The following PPM1E variants were observed in gnomAD, a reference collection of about 807,000 sequenced individuals.
PPM1E encodes protein phosphatase, Mg2+/Mn2+ dependent 1E.
In PPM1E, 20 loss-of-function variants were observed where a neutral mutation model predicts 65.9. The observed-to-expected ratio is 0.30, with a 90% CI of 0.21 to 0.44. The LOEUF (loss-of-function observed/expected upper bound fraction) is 0.44, where lower values mean the gene tolerates loss of function less well. Among genes scored for constraint, PPM1E ranks in the 20% least tolerant of loss-of-function variants. The pLI is 1.00. For missense variants in PPM1E, 713 were observed against 953.1 expected (o/e 0.75, Z 3.32); for synonymous variants, 352 against 374.9 (o/e 0.94, Z 0.70).
intron 1 of PPM1E, among the ~76,000 whole-genome samples, chr17:58,759,601 G>A (rs538728879): frequency 1.3e-5 from 2 of 152,184 alleles, no homozygotes; most frequent in Admixed American, 1.3e-4. Flanking sequence ...ACTATTAAAC[G>A]AAGATAAAGT....
intron 1 of PPM1E, among the ~76,000 whole-genome samples, chr17:58,784,127 A>G (rs879718174): frequency 5.3e-5 from 8 of 151,296 alleles, no homozygotes; most frequent in Non-Finnish European, 1.0e-4. Flanking sequence ...GGTTGAAGCA[A>G]TTCTCCCACC....
chr17:58,853,607 C>T (rs1408745552), intron 1 of PPM1E, among the ~76,000 whole-genome samples: 1 of 152,080 alleles, frequency 6.6e-6, no homozygotes, highest in Non-Finnish European at 1.5e-5. Context: ...ATGGGTGGAT[C>T]ACCTGAGGTC....
intron 1 of PPM1E, among the ~76,000 whole-genome samples, chr17:58,861,939 A>G (rs998924445): frequency 1.3e-5 from 2 of 151,814 alleles, no homozygotes; most frequent in East Asian, 1.9e-4. Context: ...AAAAAAATAC[A>G]TAAATAAATA....
chr17:58,854,656 A>G (rs1179048768), intron 1 of PPM1E, among the ~76,000 whole-genome samples: 2 of 152,042 alleles, frequency 1.3e-5, no homozygotes, highest in Non-Finnish European at 2.9e-5. Flanking sequence ...AATTGAGATG[A>G]TCATGTGGGT....
At chr17:58,818,232 A>G (rs1336239566) in intron 1 of PPM1E, among the ~76,000 whole-genome samples, 5 of 152,184 alleles carry the variant, frequency 3.3e-5, no homozygotes, top group Non-Finnish European at 2.9e-5. Flanking sequence ...AGCAATGCAT[A>G]CTGGGTGGGA....
At chr17:58,847,895 G>A (rs146454305) in intron 1 of PPM1E, among the ~76,000 whole-genome samples, 2 of 152,006 alleles carry the variant, frequency 1.3e-5, no homozygotes, top group East Asian at 1.9e-4. Flanking sequence ...GATTCTTCCT[G>A]TCCATGAGCA....
chr17:58,801,581 A>C (rs1226959585), intron 1 of PPM1E, among the ~76,000 whole-genome samples: 2 of 150,256 alleles, frequency 1.3e-5, no homozygotes, highest in African/African-American at 4.9e-5. Flanking sequence ...ACCTGGGACT[A>C]CAGGCACGTG....
rs761373848 is a variant in PPM1E, at chr17:58,981,052, G to C, written c.*21G>C. ...AATAATTTTTCTTTCAAGTAGGTTAGCTAGCTCTCCCCCAATAAAAATACC... is the reference window on the plus strand; with the variant it reads ...AATAATTTTTCTTTCAAGTAGGTTACCTAGCTCTCCCCCAATAAAAATACC... On this transcript the variant is annotated 3_prime_UTR_variant, in exon 7 of 7. Transcript: ENST00000308249. 14 of 1,511,468 alleles carry C rather than the reference G, an allele frequency of 9.3e-6. No individual in the cohort carries two copies. In the South Asian group the frequency reaches 1.8e-4, roughly 19 times the overall value. The allele number at this position is 1,511,468 out of a possible 1,614,324, so 93.6% of individuals were successfully genotyped here.
intron 1 of PPM1E, among the ~76,000 whole-genome samples, chr17:58,819,843 C>T (rs2050462321): frequency 6.6e-6 from 1 of 152,114 alleles, no homozygotes; most frequent in Non-Finnish European, 1.5e-5. Flanking sequence ...TTGAGACCAG[C>T]CTGGCCAACA....
chr17:58,917,559 A>G (rs1487178127), intron 1 of PPM1E, among the ~76,000 whole-genome samples: 1 of 152,208 alleles, frequency 6.6e-6, no homozygotes, highest in Non-Finnish European at 1.5e-5. Flanking sequence ...TCTGCAATCA[A>G]ATTCACTCAG....
intron 6 of PPM1E, among the ~76,000 whole-genome samples, chr17:58,979,399 A>C (rs527941214): frequency 6.6e-6 from 1 of 152,312 alleles, no homozygotes; most frequent in African/African-American, 2.4e-5. Context: ...CTCCTGGCTT[A>C]AGGGAGTTAG....
At chr17:58,819,914 G>A (rs761501607) in intron 1 of PPM1E, among the ~76,000 whole-genome samples, 2 of 152,006 alleles carry the variant, frequency 1.3e-5, no homozygotes, top group African/African-American at 2.4e-5. Flanking sequence ...GTGGGCACCC[G>A]TAATCCCAGC....
chr17:58,803,910 A>G lies in PPM1E; in HGVS notation c.464+47449A>G, dbSNP rs572864419. ...GTAGTGTTTTAAAATATGTAATCCA[A>G]ATATTCCTAATTTTTTATTTTATTT... On this transcript the variant is annotated intron_variant, in intron 1 of 6. Coordinates refer to ENST00000308249, the MANE Select transcript of PPM1E (RefSeq NM_014906.5). Among the ~76,000 whole-genome samples, 6 of 152,258 alleles carry G rather than the reference A, an allele frequency of 3.9e-5. No individual in the cohort carries two copies. In the South Asian group the frequency reaches 1.2e-3, roughly 32 times the overall value.
intron 6 of PPM1E, among the ~76,000 whole-genome samples, chr17:58,977,599 TATTA>T (rs2031090575): frequency 6.6e-6 from 1 of 152,202 alleles, no homozygotes; most frequent in Admixed American, 6.5e-5. Context: ...CAGGTAATTA[TATTA>T]ATTATTTGTT....
At chr17:58,880,147 T>G (rs550014279) in intron 1 of PPM1E, among the ~76,000 whole-genome samples, 1 of 152,318 alleles carries the variant, frequency 6.6e-6, no homozygotes, top group Admixed American at 6.5e-5. Context: ...ACAAGGTCTG[T>G]ACAGAATTCC....
rs535454349 is a variant in PPM1E at position 58,912,157 on chromosome 17, C to T, written c.465-43492C>T. Among the ~76,000 whole-genome samples, 259 of 152,148 alleles carry T rather than the reference C, an allele frequency of 1.7e-3. 1 individual carries two copies. Among genetic ancestry groups the T allele is most frequent in the African/African-American group, 5.9e-3 (246 of 41,510 alleles). The stretch of plus-strand genomic sequence containing the variant: ...GGGAGGGAGGGGGTAGGAGTGGTCC[C>T]GCTGCTATAGCACAAGGTATGTTCG... On this transcript the variant is annotated intron_variant, in intron 1 of 6. Transcript: ENST00000308249.
chr17:58,821,238 G>A (rs1017812258), intron 1 of PPM1E, among the ~76,000 whole-genome samples: 24 of 152,220 alleles, frequency 1.6e-4, no homozygotes, highest in Non-Finnish European at 3.4e-4. Flanking sequence ...AGCCTCCTGA[G>A]TAGCTGGGAC....
At chr17:58,969,456 G>A (rs762361906) in intron 3 of PPM1E, 83 bp from the exon 4 acceptor site, 3 of 1,308,252 alleles carry the variant, frequency 2.3e-6, no homozygotes, top group East Asian at 2.3e-5. Flanking sequence ...GAGAAAGGAT[G>A]GGCAACAATG....
chr17:58,871,816 CAAAAAA>C (rs56173332), intron 1 of PPM1E, among the ~76,000 whole-genome samples: 1 of 143,332 alleles, frequency 7.0e-6, no homozygotes. Flanking sequence ...GACCCTGTCT[CAAAAAA>C]AAAAAAAAAG....
Sources: allele counts gnomAD v4.1 joint callset (sites outside exome capture counted in the v4.1 genomes callset), GRCh38; gene constraint gnomAD v4.1.1; transcripts MANE v1.5; gene names NCBI Gene and HGNC (gene_info 2026-07-23, HGNC 2026-07-21).